C12orf42: variants seen among roughly 807,000 people sequenced by gnomAD.
The protein encoded by C12orf42 is uncharacterized protein C12orf42.
C12orf42 carries 25 observed loss-of-function variants against 21.6 expected under a neutral mutation model. The ratio of observed to expected loss-of-function variants is 1.16; its 90% confidence interval spans 0.84 to 1.62. The LOEUF (loss-of-function observed/expected upper bound fraction) is 1.62, where lower values mean the gene tolerates loss of function less well. C12orf42 is among the 40% of genes most tolerant of loss of function. The pLI is 0.00. For missense variants in C12orf42, 483 were observed against 459.3 expected (o/e 1.05, Z -0.47); for synonymous variants, 174 against 175.0 (o/e 0.99, Z 0.05).
downstream of C12orf42, among the ~76,000 whole-genome samples, chr12:103,232,918 A>T (rs1475062052): frequency 6.6e-6 from 1 of 152,138 alleles, no homozygotes; most frequent in Non-Finnish European, 1.5e-5. Flanking sequence ...GATACATAAT[A>T]GTTGTACCTA....
At chr12:103,050,068 G>A in the C12orf42 span, among the ~76,000 whole-genome samples, 42 of 152,250 alleles carry the variant, frequency 2.8e-4, no homozygotes, top group East Asian at 7.3e-3. Context: ...TGTTTCCTGA[G>A]GTATTCCTTG....
chr12:103,524,449 G>C, the C12orf42 span, among the ~76,000 whole-genome samples: 1 of 152,170 alleles, frequency 6.6e-6, no homozygotes, highest in Non-Finnish European at 1.5e-5. Context: ...AAACCAGAGA[G>C]ACCTGCTTCC....
chr12:103,466,149 G>A (rs903012288), intron 2 of C12orf42, among the ~76,000 whole-genome samples: 4 of 152,154 alleles, frequency 2.6e-5, no homozygotes, highest in Admixed American at 2.0e-4. Context: ...CTTTTCAGTT[G>A]TTCGGAATAG....
At chr12:103,374,293 A>G (rs1375189930) in intron 3 of C12orf42, among the ~76,000 whole-genome samples, 1 of 152,162 alleles carries the variant, frequency 6.6e-6, no homozygotes, top group South Asian at 2.1e-4. Flanking sequence ...GACAAAGCAA[A>G]TGCCCAGATC....
chr12:103,532,473 T>C, the C12orf42 span, among the ~76,000 whole-genome samples: 1 of 152,220 alleles, frequency 6.6e-6, no homozygotes, highest in Non-Finnish European at 1.5e-5. Context: ...CTTTCTCTTT[T>C]ATACCTACTT....
the C12orf42 span, among the ~76,000 whole-genome samples, chr12:103,113,001 T>C: frequency 6.6e-6 from 1 of 152,212 alleles, no homozygotes; most frequent in Non-Finnish European, 1.5e-5. Context: ...AAGGAGACTT[T>C]TGAACTTGTA....
At chr12:103,227,466 T>C in the C12orf42 span, among the ~76,000 whole-genome samples, 100,834 of 151,086 alleles carry the variant, frequency 0.67, 35,830 homozygotes, top group East Asian at 0.99. Context: ...GGGATTGGGG[T>C]ACAGAGATAA....
At chr12:103,495,440 C>T (rs957529085) in intron 1 of C12orf42, among the ~76,000 whole-genome samples, 3 of 151,942 alleles carry the variant, frequency 2.0e-5, no homozygotes, top group African/African-American at 7.3e-5. Context: ...CCACCCCTCC[C>T]CCTTCCTGTA....
chr12:103,335,657 G>T (rs1180270704), intron 4 of C12orf42, among the ~76,000 whole-genome samples: 1 of 152,160 alleles, frequency 6.6e-6, no homozygotes, highest in Non-Finnish European at 1.5e-5. Flanking sequence ...CAATTGAAAT[G>T]TTCCCTAATG....
the C12orf42 span, among the ~76,000 whole-genome samples, chr12:103,542,504 C>A: frequency 6.6e-6 from 1 of 152,340 alleles, no homozygotes; most frequent in African/African-American, 2.4e-5. Flanking sequence ...GGCAATGCTG[C>A]AGGCTACAGA....
At chr12:103,477,514 T>G (rs1734420549) in intron 2 of C12orf42, among the ~76,000 whole-genome samples, 1 of 151,996 alleles carries the variant, frequency 6.6e-6, no homozygotes, top group South Asian at 2.1e-4. Flanking sequence ...GCAAATGTGA[T>G]TAAGAACCTT....
At chr12:103,075,738 G>C in the C12orf42 span, among the ~76,000 whole-genome samples, 1 of 152,138 alleles carries the variant, frequency 6.6e-6, no homozygotes, top group African/African-American at 2.4e-5. Flanking sequence ...ATGAAGTCTG[G>C]ATAGCACCTT....
the C12orf42 span, among the ~76,000 whole-genome samples, chr12:103,070,078 G>C: frequency 1.3e-5 from 2 of 152,084 alleles, no homozygotes; most frequent in Non-Finnish European, 2.9e-5. Flanking sequence ...TTATTTCCTT[G>C]CCACTGTAAG....
At chr12:103,263,684 C>T (rs1048414775), downstream of C12orf42, among the ~76,000 whole-genome samples, 2 of 152,124 alleles carry the variant, frequency 1.3e-5, no homozygotes, top group African/African-American at 4.8e-5. Context: ...TCCCACCATG[C>T]CCCTGCATCC....
chr12:103,524,717 G>T, the C12orf42 span, among the ~76,000 whole-genome samples: 1 of 152,198 alleles, frequency 6.6e-6, no homozygotes, highest in East Asian at 1.9e-4. Flanking sequence ...CTGCTAAGGG[G>T]CAGAACATAG....
chr12:103,342,466 G>A (rs2042247575), intron 4 of C12orf42, among the ~76,000 whole-genome samples: 1 of 152,054 alleles, frequency 6.6e-6, no homozygotes, highest in South Asian at 2.1e-4. Flanking sequence ...TATACTAGGT[G>A]TTCCATGTAT....
chr12:103,230,571 G>T, the C12orf42 span, among the ~76,000 whole-genome samples: 2 of 152,174 alleles, frequency 1.3e-5, no homozygotes, highest in African/African-American at 4.8e-5. Context: ...TTTAACATGT[G>T]TCCATCACAG....
At chr12:103,443,556 C>T (rs554134712) in intron 2 of C12orf42, among the ~76,000 whole-genome samples, 1 of 152,130 alleles carries the variant, frequency 6.6e-6, no homozygotes, top group African/African-American at 2.4e-5. Context: ...TGATTTTTGC[C>T]ATGCCAAAAA....
upstream of C12orf42, among the ~76,000 whole-genome samples, chr12:103,500,515 C>T (rs1955692894): frequency 6.6e-6 from 1 of 152,300 alleles, no homozygotes; most frequent in African/African-American, 2.4e-5. Flanking sequence ...GATATGCTCA[C>T]ACAAATAAGC....
Sources: allele counts gnomAD v4.1 joint callset (sites outside exome capture counted in the v4.1 genomes callset), GRCh38; gene constraint gnomAD v4.1.1; transcripts MANE v1.5; gene names NCBI Gene and HGNC (gene_info 2026-07-23, HGNC 2026-07-21).